The following BIRC6 variants were observed in gnomAD, a reference collection of about 807,000 sequenced individuals.
BIRC6 encodes baculoviral IAP repeat containing 6, also known as dual E2 ubiquitin-conjugating enzyme/E3 ubiquitin-protein ligase BIRC6.
In BIRC6, 98 loss-of-function variants were observed where a neutral mutation model predicts 503.3. That is an observed-to-expected ratio of 0.19 (90% CI 0.17 to 0.23). The LOEUF (loss-of-function observed/expected upper bound fraction) is 0.23, where lower values mean the gene tolerates loss of function less well. Ranked by LOEUF, BIRC6 falls within the 10% of genes least tolerant of loss-of-function variation. The probability of loss-of-function intolerance (pLI) is 1.00; values close to 1 mark genes in which losing one functional copy is unlikely to be tolerated. For synonymous variants in BIRC6, 2,240 were observed against 2,078.7 expected, an observed-to-expected ratio of 1.08 and a Z score of -2.11; for missense variants, 5,360 against 5,806.0, an observed-to-expected ratio of 0.92 and a Z score of 2.50.
At chr2:32,582,773 C>CA (rs1285202289) in intron 66 of BIRC6, among the ~76,000 whole-genome samples, 3 of 151,854 alleles carry the variant, frequency 2.0e-5, no homozygotes, top group Admixed American at 6.6e-5. Flanking sequence ...AACAAACAAA[C>CA]AAACAAAAAA....
At chr2:32,413,562 G>A (rs890423407) in intron 9 of BIRC6, among the ~76,000 whole-genome samples, 3 of 151,944 alleles carry the variant, frequency 2.0e-5, no homozygotes, top group Non-Finnish European at 2.9e-5. Flanking sequence ...CAGGTAATCT[G>A]CCTACCTCAA....
intron 66 of BIRC6, among the ~76,000 whole-genome samples, chr2:32,584,885 A>C (rs1184527864): frequency 2.6e-5 from 4 of 152,088 alleles, no homozygotes; most frequent in Non-Finnish European, 5.9e-5. Context: ...TGTAACCATA[A>C]ACGTTTTATT....
chr2:32,562,113 A>G (rs1282813441), intron 65 of BIRC6, among the ~76,000 whole-genome samples: 1 of 152,144 alleles, frequency 6.6e-6, no homozygotes, highest in East Asian at 1.9e-4. Flanking sequence ...GTGCTTGCAA[A>G]TTTGTGGGAT....
Position 32,478,793 on chromosome 2 carries a change from T to G in BIRC6, c.7227T>G (p.Thr2409=). The change falls in exon 36 of 74, where the codon ACT becomes ACG. Residue 2409 remains threonine (T), a synonymous_variant. Coordinates refer to ENST00000421745, the MANE Select transcript of BIRC6 (RefSeq NM_016252.4). ...GTGCTTGGGCTCAGTATTCCTTAAC[T>G]TGCATGCTACAAGATATTTTAGCAG... The part of the protein sequence containing the change: ...WGGAWAQYSL[T]CMLQDILAGE... 6.2e-7 allele frequency: 1 copy of G among 1,613,260 alleles called. No homozygotes were observed. Among genetic ancestry groups the G allele is most frequent in the Non-Finnish European group, 8.5e-7 (1 of 1,179,670 alleles).
Position 32,602,949 on chromosome 2 carries a change from CAGTT to C in BIRC6, c.13993-56_13993-53del, listed in dbSNP as rs1040042752. The C allele has an allele frequency of 8.4e-6, 12 of 1,426,322 alleles. No homozygotes were observed. The African/African-American group carries it at 1.4e-4, about 17-fold the overall frequency. The allele number at this position is 1,426,322 out of a possible 1,614,324, so 88.4% of individuals were successfully genotyped here. ...ATTTTGTTTTTACTTCTCGTTATGA[CAGTT>C]TGTTTTTAAGCACTCTTTTTTCAAT... On this transcript the variant is annotated intron_variant, in intron 70 of 73. Coordinates refer to ENST00000421745, the MANE Select transcript of BIRC6 (RefSeq NM_016252.4).
chr2:32,463,947 A>G (rs1275057765), intron 24 of BIRC6, among the ~76,000 whole-genome samples: 3 of 152,144 alleles, frequency 2.0e-5, no homozygotes, highest in Non-Finnish European at 4.4e-5. Context: ...GAGCATGAAC[A>G]TTATTGTGAA....
chr2:32,591,461 G>A (rs2061376167), intron 66 of BIRC6, among the ~76,000 whole-genome samples: 2 of 152,128 alleles, frequency 1.3e-5, no homozygotes, highest in Admixed American at 6.5e-5. Context: ...AAATTGGCAT[G>A]AATAGAGCTT....
In BIRC6 at chr2:32,508,101, A is replaced by G. The variant is rs767944732; in HGVS notation, c.9822A>G (p.Val3274=). 8.3e-5 allele frequency: 134 copies of G among 1,613,804 alleles called. No homozygotes were observed. Among genetic ancestry groups the G allele is most frequent in the Admixed American group, 2.0e-4 (12 of 59,982 alleles). The change falls in exon 51 of 74, where the codon GTA becomes GTG. Residue 3274 remains valine (V), a synonymous_variant. Coordinates refer to ENST00000421745, the MANE Select transcript of BIRC6 (RefSeq NM_016252.4). ...AAATTCAGCTTGTAAAAGCCGAAGTAGCTTCTGCTGTCTGCCTTAGACTAC... is the reference window on the plus strand; with the variant it reads ...AAATTCAGCTTGTAAAAGCCGAAGTGGCTTCTGCTGTCTGCCTTAGACTAC... ...YIKIQLVKAE[V]ASAVCLRLHR... is the part of the protein sequence containing the mutation.
intron 20 of BIRC6, among the ~76,000 whole-genome samples, chr2:32,444,069 T>A (rs1574248821): frequency 6.7e-6 from 1 of 149,814 alleles, no homozygotes; most frequent in Admixed American, 6.6e-5. Flanking sequence ...GAGGACTCTG[T>A]GGAAATGCCT....
chr2:32,499,485 C>A (rs781727890), intron 45 of BIRC6, 62 bp from the exon 46 acceptor site: 14 of 1,372,342 alleles, frequency 1.0e-5, no homozygotes, highest in African/African-American at 1.5e-5. Flanking sequence ...ATTTTTAATC[C>A]TTTCTCTTGT....
chr2:32,404,113 A>G (rs963277895), intron 8 of BIRC6, among the ~76,000 whole-genome samples: 4 of 152,026 alleles, frequency 2.6e-5, no homozygotes, highest in Non-Finnish European at 4.4e-5. Context: ...TATTTTTAGT[A>G]GAGAAAGGGT....
intron 52 of BIRC6, 137 bp from the exon 53 acceptor site, chr2:32,510,389 A>G (rs1395601660): frequency 1.1e-5 from 7 of 639,096 alleles, no homozygotes; most frequent in East Asian, 1.1e-4. Context: ...TAGTTTCATT[A>G]TTTTTAGAGT....
intron 54 of BIRC6, among the ~76,000 whole-genome samples, chr2:32,514,367 C>T (rs952535576): frequency 6.6e-6 from 1 of 152,156 alleles, no homozygotes; most frequent in African/African-American, 2.4e-5. Flanking sequence ...TGAGACTTTT[C>T]TAGATTGTCC....
intron 66 of BIRC6, among the ~76,000 whole-genome samples, chr2:32,575,949 C>T (rs1478746232): frequency 6.6e-6 from 1 of 152,144 alleles, no homozygotes; most frequent in Non-Finnish European, 1.5e-5. Flanking sequence ...TCCCATTGTA[C>T]CTGTTAGACA....
At chr2:32,460,221 TCTCATATGATATATCTCGTATATG>T (rs2047689348) in intron 23 of BIRC6, among the ~76,000 whole-genome samples, 1 of 134,760 alleles carries the variant, frequency 7.4e-6, no homozygotes, top group Non-Finnish European at 1.6e-5. Context: ...TATATATATA[TCTCATATGATATATCTCGTATATG>T]ATATATATAT....
At chr2:32,442,592 T>C in intron 19 of BIRC6, 137 bp downstream of exon 19, 1 of 1,104,680 alleles carries the variant, frequency 9.1e-7, no homozygotes, top group South Asian at 2.2e-5. Context: ...TGATGAAGAT[T>C]GTTGATAATC....
At chr2:32,420,685 T>A (rs2042839222) in intron 10 of BIRC6, among the ~76,000 whole-genome samples, 1 of 152,016 alleles carries the variant, frequency 6.6e-6, no homozygotes, top group Non-Finnish European at 1.5e-5. Flanking sequence ...TTAATTTTTG[T>A]ATTTTTAGTA....
At position 32,487,628 on chromosome 2, in the gene BIRC6, A is replaced by G. The variant is rs1304940495; in HGVS notation, c.7814-19A>G. ...CCTGATACTTTATGTATAAAATTATACTTGTGTTTAATTTTCAGTATCACA... is the reference window on the plus strand; with the variant it reads ...CCTGATACTTTATGTATAAAATTATGCTTGTGTTTAATTTTCAGTATCACA... On this transcript the variant is annotated intron_variant, in intron 40 of 73. Transcript: ENST00000421745. The G allele has an allele frequency of 1.2e-6, 2 of 1,607,078 alleles. No homozygotes were observed. The highest frequency in any genetic ancestry group is 3.3e-5 in the Admixed American group (2 of 59,844).
chr2:32,596,920 T>G (rs142102841), intron 68 of BIRC6, among the ~76,000 whole-genome samples: 1 of 152,216 alleles, frequency 6.6e-6, no homozygotes, highest in African/African-American at 2.4e-5. Context: ...GTCAGAAATT[T>G]AGAATCATAT....
Sources: allele counts gnomAD v4.1 joint callset (sites outside exome capture counted in the v4.1 genomes callset), GRCh38; gene constraint gnomAD v4.1.1; transcripts MANE v1.5; gene names NCBI Gene and HGNC (gene_info 2026-07-23, HGNC 2026-07-21).